TRIM24: variants seen among roughly 807,000 people sequenced by gnomAD.
TRIM24 encodes the protein tripartite motif containing 24, also known as transcription intermediary factor 1-alpha.
TRIM24 carries 29 observed loss-of-function variants against 123.9 expected under a neutral mutation model. That is an observed-to-expected ratio of 0.23 (90% CI 0.17 to 0.32). The LOEUF (loss-of-function observed/expected upper bound fraction) is 0.32. Ranked by LOEUF, TRIM24 falls within the 10% of genes least tolerant of loss-of-function variation. The pLI is 1.00. For missense variants in TRIM24, 932 were observed against 1,295.3 expected (o/e 0.72, Z 4.31); for synonymous variants, 456 against 461.1 (o/e 0.99, Z 0.14).
intron 2 of TRIM24, among the ~76,000 whole-genome samples, chr7:138,507,111 G>A (rs192960832): frequency 6.6e-6 from 1 of 152,216 alleles, no homozygotes; most frequent in Admixed American, 6.5e-5. Flanking sequence ...TAAAGTAGAG[G>A]TGTCATCCAT....
chr7:138,566,145 C>T (rs1797530594), intron 9 of TRIM24, among the ~76,000 whole-genome samples: 1 of 152,132 alleles, frequency 6.6e-6, no homozygotes, highest in Admixed American at 6.6e-5. Context: ...TTTATTTCTG[C>T]TTCAGCCTCA....
chr7:138,492,273 C>CAAAAAAAAAAAAAA (rs34380067), intron 1 of TRIM24, among the ~76,000 whole-genome samples: 19 of 60,002 alleles, frequency 3.2e-4, no homozygotes, highest in African/African-American at 1.4e-3. Flanking sequence ...ACTCTGTCTC[C>CAAAAAAAAAAAAAA]AAAAAAAAAA....
At chr7:138,522,991 A>G (rs1796535110) in intron 4 of TRIM24, among the ~76,000 whole-genome samples, 1 of 152,192 alleles carries the variant, frequency 6.6e-6, no homozygotes, top group African/African-American at 2.4e-5. Flanking sequence ...TTAAATGCAT[A>G]TGTTATATGT....
chr7:138,577,655 G>C (rs1029508594), intron 14 of TRIM24, 67 bp downstream of exon 14: 1 of 1,277,704 alleles, frequency 7.8e-7, no homozygotes, highest in Non-Finnish European at 1.0e-6. Flanking sequence ...CTTTTAAATA[G>C]CTCTTAGGAG....
chr7:138,498,557 C>T (rs111957318), intron 1 of TRIM24, among the ~76,000 whole-genome samples: 2 of 152,084 alleles, frequency 1.3e-5, no homozygotes, highest in African/African-American at 2.4e-5. Context: ...TTTATTTACA[C>T]GTTTTATTTT....
intron 9 of TRIM24, among the ~76,000 whole-genome samples, chr7:138,559,614 C>T (rs947732485): frequency 6.6e-6 from 1 of 152,144 alleles, no homozygotes; most frequent in Non-Finnish European, 1.5e-5. Flanking sequence ...ATAGACTGGT[C>T]AGCTTCCAGG....
chr7:138,475,246 C>T (rs3807157), intron 1 of TRIM24, among the ~76,000 whole-genome samples: 45,033 of 151,868 alleles, frequency 0.3, 6,946 homozygotes, highest in East Asian at 0.5. Flanking sequence ...AAGATAGTAT[C>T]TAACAAAGAG....
intron 2 of TRIM24, among the ~76,000 whole-genome samples, chr7:138,511,019 T>A (rs1025708646): frequency 2.6e-5 from 4 of 152,228 alleles, no homozygotes; most frequent in Non-Finnish European, 4.4e-5. Context: ...AATGTACAAT[T>A]TAAAAATAAA....
chr7:138,497,401 T>C (rs1795934767), intron 1 of TRIM24, among the ~76,000 whole-genome samples: 1 of 113,640 alleles, frequency 8.8e-6, no homozygotes, highest in African/African-American at 3.1e-5. Flanking sequence ...TTCTTTTTTT[T>C]TTTTTTTTTT....
At chr7:138,568,568 G>A (rs1160884685) in intron 10 of TRIM24, among the ~76,000 whole-genome samples, 1 of 151,324 alleles carries the variant, frequency 6.6e-6, no homozygotes, top group South Asian at 2.1e-4. Context: ...TGTATTTTTA[G>A]TAGAGACAGG....
intron 2 of TRIM24, among the ~76,000 whole-genome samples, chr7:138,509,280 T>A (rs982039763): frequency 6.6e-5 from 10 of 150,710 alleles, no homozygotes; most frequent in Non-Finnish European, 1.3e-4. Context: ...ATTGATGTAA[T>A]TTGTTTTCTC....
chr7:138,552,564 G>A (rs929874554), intron 8 of TRIM24, among the ~76,000 whole-genome samples: 11 of 152,090 alleles, frequency 7.2e-5, no homozygotes, highest in African/African-American at 1.9e-4. Context: ...GTGGGGGGTT[G>A]GGGGGTGCTC....
At chr7:138,503,673 C>G (rs9690027) in intron 1 of TRIM24, among the ~76,000 whole-genome samples, 1 of 150,560 alleles carries the variant, frequency 6.6e-6, no homozygotes, top group Admixed American at 6.6e-5. Flanking sequence ...ATGTGCACAA[C>G]GTGCAGGTTT....
At chr7:138,550,538 G>A (rs1410690103) in intron 7 of TRIM24, among the ~76,000 whole-genome samples, 1 of 152,112 alleles carries the variant, frequency 6.6e-6, no homozygotes, top group Non-Finnish European at 1.5e-5. Flanking sequence ...GATGACTGCA[G>A]CGTGGAGGAA....
At chr7:138,494,466 G>A (rs1386079973) in intron 1 of TRIM24, among the ~76,000 whole-genome samples, 1 of 151,970 alleles carries the variant, frequency 6.6e-6, no homozygotes, top group East Asian at 2.0e-4. Context: ...ATGAATGGTG[G>A]CTCATGCCTG....
chr7:138,551,072 C>T lies in TRIM24; in HGVS notation c.1153C>T (p.Arg385Trp), dbSNP rs755272421. The T allele has an allele frequency of 2.5e-6, 4 of 1,612,842 alleles. No individual in the cohort carries two copies. The highest frequency in any genetic ancestry group is 1.1e-5 in the South Asian group (1 of 91,010). The change falls in exon 8 of 19, where the codon CGG (arginine) becomes TGG (tryptophan). Residue 385 changes from arginine (R) to tryptophan (W), a missense_variant. Physicochemically the swap from Arg to Trp is moderately radical, Grantham distance 101. This residue lies in a region of TRIM24 where 527 missense variants were observed against 691.3 expected (regional missense o/e 0.76). Coordinates refer to ENST00000343526, the MANE Select transcript of TRIM24 (RefSeq NM_015905.3). ...LLYSKRLITY[R>W]LRHLLRARCD... is the part of the protein sequence containing the mutation. Reference sequence around the variant, plus strand: ...CTCCTTTTTCTTCTAGATTACATACCGGTTACGGCACCTCCTTCGTGCAAG... The same window carrying T: ...CTCCTTTTTCTTCTAGATTACATACTGGTTACGGCACCTCCTTCGTGCAAG...
chr7:138,506,962 T>C (rs1260543353), intron 2 of TRIM24, among the ~76,000 whole-genome samples: 1 of 152,124 alleles, frequency 6.6e-6, no homozygotes, highest in African/African-American at 2.4e-5. Flanking sequence ...TTGATATGCC[T>C]GATTGGGTGT....
At chr7:138,547,541 A>G (rs1474071622) in intron 7 of TRIM24, among the ~76,000 whole-genome samples, 3 of 152,178 alleles carry the variant, frequency 2.0e-5, no homozygotes, top group Non-Finnish European at 1.5e-5. Flanking sequence ...TTAAAAATAA[A>G]TTATTAAATT....
chr7:138,574,887 A>T (rs925536165), intron 12 of TRIM24, among the ~76,000 whole-genome samples: 6 of 152,204 alleles, frequency 3.9e-5, no homozygotes, highest in Admixed American at 3.3e-4. Context: ...TAATATGCCA[A>T]TTATAAGGAA....
Sources: gnomAD v4.1 joint callset for allele counts (sites outside exome capture counted in the v4.1 genomes callset) on GRCh38, gnomAD v4.1.1 for gene constraint, gnomAD v4.1.1 regional missense constraint, MANE v1.5 for transcripts, NCBI Gene and HGNC (gene_info 2026-07-23, HGNC 2026-07-21) for gene names.